The following TAS2R30 variants were observed in gnomAD, a reference collection of about 807,000 sequenced individuals.
The protein encoded by TAS2R30 is taste receptor type 2 member 30.
For missense variants in TAS2R30, 395 were observed against 371.6 expected (o/e 1.06, Z -0.52); for synonymous variants, 141 against 131.6 (o/e 1.07, Z -0.49).
exon 1 of TAS2R30, chr12:11,134,177 G>A: frequency 6.2e-7 from 1 of 1,613,938 alleles, no homozygotes; most frequent in Non-Finnish European, 8.5e-7. Context: ...GAAGCCATTA[G>A]CAAAATTTCC....
exon 1 of TAS2R30, chr12:11,133,461 T>C (rs775547728): frequency 6.2e-7 from 1 of 1,614,088 alleles, no homozygotes; most frequent in South Asian, 1.1e-5. Context: ...TGGCAGAACA[T>C]GAAGACAGGT....
rs766350254 is a variant in TAS2R30 at position 11,134,013 on chromosome 12, C to T, written c.232G>A (p.Val78Ile). 3 of 1,614,070 alleles carry T rather than the reference C, an allele frequency of 1.9e-6. No homozygotes were observed. In the Admixed American group the frequency reaches 5.0e-5, roughly 27 times the overall value. Residue 78 changes from valine to isoleucine, a missense_variant, in exon 1 of 1, where the codon GTA becomes ATA. Physicochemically the swap from Val to Ile is conservative, Grantham distance 29. Transcript: ENST00000539585. ...TTATAAGCAGTAATTCTTACTTCTA[C>T]ACTATAAAAAGCTGGATTCAACTGA... is the stretch of plus-strand genomic sequence containing the variant.
In TAS2R30 at chr12:11,133,602, C is replaced by T. The variant is rs1329405427; in HGVS notation, c.643G>A (p.Gly215Arg). ...ACCTTGGTGCTGGGATCTTGAGATCCTTTGCCATGGAGCTGCATCTTCTTG... is the reference window on the plus strand; with the variant it reads ...ACCTTGGTGCTGGGATCTTGAGATCTTTTGCCATGGAGCTGCATCTTCTTG... The change falls in exon 1 of 1, where the codon GGA becomes AGA. Residue 215 changes from glycine to arginine, a missense_variant. Gly to Arg is a moderately radical substitution (Grantham distance 125). Coordinates refer to ENST00000539585, the Ensembl canonical transcript of TAS2R30. 6 of 1,614,246 alleles carry T rather than the reference C, an allele frequency of 3.7e-6. No individual in the cohort carries two copies. The highest frequency in any genetic ancestry group is 3.3e-4 in the Middle Eastern group (2 of 6,062).
exon 1 of TAS2R30, chr12:11,133,717 A>G (rs1565689038): frequency 6.2e-7 from 1 of 1,614,182 alleles, no homozygotes; most frequent in Non-Finnish European, 8.5e-7. Flanking sequence ...TTAGAGTCAT[A>G]TTTGAATGGT....
At chr12:11,133,348 G>A in exon 1 of TAS2R30, 1 of 1,613,666 alleles carries the variant, frequency 6.2e-7, no homozygotes, top group Non-Finnish European at 8.5e-7. Flanking sequence ...CTTTCACCCA[G>A]TACCTCACAT....
At position 11,134,343 on chromosome 12, in the gene TAS2R30, T is replaced by C. The variant is rs1273494722; in HGVS notation, c.-99A>G. The C allele has an allele frequency of 3.3e-6, 4 of 1,228,922 alleles. No individual in the cohort carries two copies. In the Admixed American group the frequency reaches 1.1e-4, roughly 35 times the overall value. 76.1% of individuals were successfully genotyped at this position (1,228,922 alleles called of 1,614,324 possible). A position where few individuals can be genotyped will look rare whatever the true frequency, so the allele number is the denominator to read the frequency against. ...CCTTAAATTCTATATGCACCTGATT[T>C]GTGTATGTGCTGTGACATTCTTTTT... is the stretch of plus-strand genomic sequence containing the variant. On this transcript the variant is annotated 5_prime_UTR_variant, in exon 1 of 1. Coordinates refer to ENST00000539585, the Ensembl canonical transcript of TAS2R30.
exon 1 of TAS2R30, chr12:11,133,646 C>T (rs1418423888): frequency 1.9e-6 from 3 of 1,614,142 alleles, no homozygotes; most frequent in African/African-American, 2.7e-5. Flanking sequence ...ACACAGAGAA[C>T]AGATTAACAG....
exon 1 of TAS2R30, chr12:11,134,637 T>C (rs1183285264): frequency 5.3e-6 from 1 of 190,342 alleles, no homozygotes; most frequent in Non-Finnish European, 1.1e-5. Flanking sequence ...TCATTTGTCT[T>C]TAGCGACTTC....
exon 1 of TAS2R30, chr12:11,133,106 T>G (rs1469984546): frequency 7.4e-6 from 5 of 678,774 alleles, no homozygotes; most frequent in Admixed American, 4.1e-5. Flanking sequence ...TTGTCAATGT[T>G]CTTCAGTTTT....
rs931847854 is a variant in TAS2R30, at chr12:11,133,355, A to T, written c.890T>A (p.Val297Glu). Reference sequence around the variant, plus strand: ...GCTTCTGTCTTTCACCCAGTACCTCACATGCCGCAAAACTGAAAGAAAAAT... The same window carrying T: ...GCTTCTGTCTTTCACCCAGTACCTCTCATGCCGCAAAACTGAAAGAAAAAT... Residue 297 changes from valine (V) to glutamate (E), a missense_variant, in exon 1 of 1, where the codon GTG becomes GAG. Val to Glu is a moderately radical substitution (Grantham distance 121). Transcript: ENST00000539585. The T allele has an allele frequency of 6.2e-7, 1 of 1,613,826 alleles. No individual in the cohort carries two copies. The highest frequency in any genetic ancestry group is 8.5e-7 in the Non-Finnish European group (1 of 1,179,814).
Position 11,133,330 on chromosome 12 carries a change from G to C in TAS2R30, c.915C>G (p.Ser305Arg), listed in dbSNP as rs753869815. 6 of 1,613,688 alleles carry C rather than the reference G, an allele frequency of 3.7e-6. No homozygotes were observed. The Admixed American group carries it at 1.0e-4, about 27-fold the overall frequency. Residue 305 changes from serine (S) to arginine (R), a missense_variant, in exon 1 of 1, where the codon AGC becomes AGG. Physicochemically the swap from Ser to Arg is moderately radical, Grantham distance 110. Coordinates refer to ENST00000539585, the Ensembl canonical transcript of TAS2R30. ...CTCTTGTGAATCTATGGAGACGAAG[G>C]CTTCTGTCTTTCACCCAGTACCTCA...
exon 1 of TAS2R30, chr12:11,134,338 T>C: frequency 3.1e-6 from 4 of 1,270,564 alleles, no homozygotes; most frequent in Non-Finnish European, 4.3e-6. Flanking sequence ...TATATGCACC[T>C]GATTTGTGTA....
exon 1 of TAS2R30, chr12:11,133,006 T>C (rs1946412409): frequency 1.4e-5 from 5 of 356,964 alleles, no homozygotes; most frequent in Admixed American, 4.2e-5. Context: ...AATACATGTA[T>C]GAAATAAACA....
exon 1 of TAS2R30, chr12:11,134,053 T>C (rs1436162173): frequency 1.9e-6 from 3 of 1,614,122 alleles, no homozygotes; most frequent in East Asian, 4.5e-5. Context: ...CATACCAATG[T>C]AGTAATAACA....
At chr12:11,134,258 A>G (rs1946482156) in exon 1 of TAS2R30, 24 of 1,596,186 alleles carry the variant, frequency 1.5e-5, no homozygotes, top group Non-Finnish European at 2.0e-5. Context: ...TGAACAGACA[A>G]AAAGAAATTT....
exon 1 of TAS2R30, chr12:11,133,956 A>G (rs377729010): frequency 3.2e-5 from 51 of 1,614,052 alleles, no homozygotes; most frequent in Non-Finnish European, 3.8e-5. Context: ...GTAGCAAGCC[A>G]GCTGCTGAAA....
chr12:11,133,625 T>C lies in TAS2R30; in HGVS notation c.620A>G (p.Lys207Arg), dbSNP rs778646326. 18 of 1,614,294 alleles carry C rather than the reference T, an allele frequency of 1.1e-5. No individual in the cohort carries two copies. In the South Asian group the frequency reaches 2.0e-4, roughly 18 times the overall value. Residue 207 changes from lysine to arginine, a missense_variant, in exon 1 of 1, where the codon AAG (lysine) becomes AGG (arginine). Physicochemically the swap from Lys to Arg is conservative, Grantham distance 26. Coordinates refer to ENST00000539585, the Ensembl canonical transcript of TAS2R30. ...TCCTTTGCCATGGAGCTGCATCTTC[T>C]TGAGATGTTTACACAGAGAACAGAT...
the TAS2R30 span, chr12:11,133,348 G>C: frequency 6.2e-7 from 1 of 1,613,666 alleles, no homozygotes; most frequent in South Asian, 1.1e-5. Flanking sequence ...CTTTCACCCA[G>C]TACCTCACAT....
chr12:11,133,354 C>T, exon 1 of TAS2R30: 1 of 1,613,838 alleles, frequency 6.2e-7, no homozygotes, highest in African/African-American at 1.3e-5. Flanking sequence ...CCCAGTACCT[C>T]ACATGCCGCA....
Sources: gnomAD v4.1 joint callset for allele counts on GRCh38, gnomAD v4.1.1 for gene constraint, MANE v1.5 for transcripts, NCBI Gene and HGNC (gene_info 2026-07-23, HGNC 2026-07-21) for gene names.